The following PECR variants were observed in gnomAD, a reference collection of about 807,000 sequenced individuals.
PECR encodes the protein 2,4-dienoyl-CoA reductase-related protein.
In PECR, 30 loss-of-function variants were observed where a neutral mutation model predicts 35.3. The observed-to-expected ratio is 0.85, with a 90% CI of 0.64 to 1.15. The LOEUF (loss-of-function observed/expected upper bound fraction) is 1.15, where lower values mean the gene tolerates loss of function less well. PECR is among the 50% of genes most tolerant of loss of function. PECR has a pLI of 0.00. For synonymous variants in PECR, 148 were observed against 138.9 expected (o/e 1.07, Z -0.46); for missense variants, 392 against 370.8 (o/e 1.06, Z -0.47).
intron 3 of PECR, among the ~76,000 whole-genome samples, chr2:216,060,473 G>A (rs929719052): frequency 5.3e-5 from 8 of 152,108 alleles, no homozygotes; most frequent in Non-Finnish European, 1.2e-4. Flanking sequence ...ACCAGCCTGG[G>A]CAACAGAGAA....
chr2:216,042,085 G>A (rs1694897118), intron 7 of PECR, among the ~76,000 whole-genome samples: 1 of 152,232 alleles, frequency 6.6e-6, no homozygotes, highest in Admixed American at 6.5e-5. Context: ...TCAGTCAGAA[G>A]TTTTAGAGGC....
At chr2:216,033,940 C>A (rs1694751802), downstream of PECR, 1 of 152,166 alleles carries the variant, frequency 6.6e-6, no homozygotes, top group South Asian at 2.1e-4. Context: ...GCTCAGTAAT[C>A]GCTAGTTTTG....
At chr2:216,029,728 G>A (rs768006175) in intron 7 of PECR, among the ~76,000 whole-genome samples, 3 of 152,210 alleles carry the variant, frequency 2.0e-5, no homozygotes, top group Non-Finnish European at 2.9e-5. Flanking sequence ...AAAATGCCTA[G>A]GGCCAGAATA....
intron 1 of PECR, among the ~76,000 whole-genome samples, chr2:216,068,104 G>A (rs1344304353): frequency 6.6e-6 from 1 of 151,280 alleles, no homozygotes; most frequent in Non-Finnish European, 1.5e-5. Context: ...GCATGTGCCT[G>A]TAATCTCAGC....
chr2:216,075,535 A>C (rs1695681358), intron 1 of PECR, among the ~76,000 whole-genome samples: 1 of 152,220 alleles, frequency 6.6e-6, no homozygotes, highest in Admixed American at 6.5e-5. Flanking sequence ...ATAAACTAGA[A>C]AAATATTATA....
At chr2:216,033,996 T>C (rs1298352655), downstream of PECR, 2 of 152,190 alleles carry the variant, frequency 1.3e-5, no homozygotes, top group African/African-American at 2.4e-5. Context: ...TTCCCGCTGG[T>C]TGATCTTATT....
intron 1 of PECR, among the ~76,000 whole-genome samples, chr2:216,078,021 A>T (rs1432526530): frequency 9.2e-6 from 1 of 108,868 alleles, no homozygotes; most frequent in Non-Finnish European, 1.7e-5. Flanking sequence ...ATTTTTCGTT[A>T]AAAAAAAAAA....
At position 216,033,362 on chromosome 2, in the gene PECR, C is replaced by T. The variant is rs182507049; in HGVS notation, c.*440+5829G>A. 3.5e-4 allele frequency among the ~76,000 whole-genome samples: 54 copies of T among 152,166 alleles called. No homozygotes were observed. The East Asian group carries it at 5.2e-3, about 15-fold the overall frequency. On this transcript the variant is annotated intron_variant and NMD_transcript_variant, in intron 7 of 7. Coordinates refer to the PECR transcript ENST00000442122. ...CAGTAATTTTGCATACAAATTCCTC[C>T]GCTGTCTCAATGCCTTCACAAGAGC...
Position 216,058,184 on chromosome 2 carries a change from T to C in PECR, c.506+711A>G, listed in dbSNP as rs188359887. ...AGTTTCTCTTGCAGCAGATCTGGTG[T>C]GGGGCTGGATAATTTGCTGTGCTAA... On this transcript the variant is annotated intron_variant, in intron 4 of 7. Coordinates refer to ENST00000265322, the MANE Select transcript of PECR (RefSeq NM_018441.6). Among the ~76,000 whole-genome samples, 276 of 152,222 alleles carry C rather than the reference T, an allele frequency of 1.8e-3. 1 individual carries two copies. Among genetic ancestry groups the C allele is most frequent in the Admixed American group, 3.2e-3 (49 of 15,298 alleles).
intron 7 of PECR, 113 bp downstream of exon 7, chr2:216,043,791 G>C: frequency 2.9e-6 from 2 of 681,724 alleles, no homozygotes. Flanking sequence ...TGTACATTTT[G>C]ATGTTCTATA....
At chr2:216,046,155 T>C (rs188060565) in intron 6 of PECR, among the ~76,000 whole-genome samples, 10 of 150,832 alleles carry the variant, frequency 6.6e-5, no homozygotes, top group African/African-American at 9.7e-5. Flanking sequence ...TATTTTAAAG[T>C]AAATGTTATT....
intron 6 of PECR, 86 bp from the exon 7 acceptor site, chr2:216,044,101 A>C: frequency 1.6e-4 from 116 of 720,530 alleles, no homozygotes; most frequent in Middle Eastern, 2.6e-4. Flanking sequence ...AAGGCATCTC[A>C]AAGCCCATGA....
At chr2:216,048,895 A>C (rs900479660) in intron 6 of PECR, among the ~76,000 whole-genome samples, 13 of 148,962 alleles carry the variant, frequency 8.7e-5, no homozygotes, top group Admixed American at 7.4e-4. Context: ...AAAGCTGCTG[A>C]TTTTACAGAC....
chr2:216,068,848 A>G (rs1467956666), intron 1 of PECR, among the ~76,000 whole-genome samples: 2 of 117,400 alleles, frequency 1.7e-5, no homozygotes, highest in African/African-American at 3.2e-5. Context: ...GATGAGGTCT[A>G]TGTTGCAGAA....
At chr2:216,042,419 C>A (rs561443290) in intron 7 of PECR, among the ~76,000 whole-genome samples, 1 of 152,172 alleles carries the variant, frequency 6.6e-6, no homozygotes. Context: ...TGAAAGAGTA[C>A]GTAGACCCTG....
intron 4 of PECR, among the ~76,000 whole-genome samples, chr2:216,052,350 T>TA (rs1326786762): frequency 1.3e-5 from 2 of 152,222 alleles, no homozygotes; most frequent in African/African-American, 2.4e-5. Context: ...AATCAGCTGG[T>TA]AAAAAACAGA....
At chr2:216,031,421 A>G (rs909031405) in intron 7 of PECR, among the ~76,000 whole-genome samples, 4 of 70,140 alleles carry the variant, frequency 5.7e-5, no homozygotes, top group Non-Finnish European at 9.7e-5. Context: ...AGAAAGGAAG[A>G]AAGAAAGAAA....
chr2:216,043,922 G>A lies in PECR; in HGVS notation c.808C>T (p.His270Tyr). The change falls in exon 7 of 8, where the codon CAC (histidine) becomes TAC (tyrosine). Residue 270 changes from histidine to tyrosine, a missense_variant. Transcript: ENST00000265322. ...DVDGGRSLYT[H>Y]SYEVPDHDNW... ...TGCTCACCTGGTACCTCATACGAGT[G>A]AGTATAGAGACTCCGGCCCCCATCC... The A allele has an allele frequency of 1.3e-6, 2 of 1,590,576 alleles. No individual in the cohort carries two copies. The highest frequency in any genetic ancestry group is 2.2e-5 in the East Asian group (1 of 44,792).
Position 216,065,483 on chromosome 2 carries a change from GA to G in PECR, c.259-7del, listed in dbSNP as rs747931902. On this transcript the variant is annotated splice_region_variant and splice_polypyrimidine_tract_variant and intron_variant, in intron 2 of 7. Transcript: ENST00000265322. ...GATTTGACCAAATTATTCACCTAAAGAAGAACAGTAGAAGTTACTAAAAGGA... is the reference window on the plus strand; with the variant it reads ...GATTTGACCAAATTATTCACCTAAAGAGAACAGTAGAAGTTACTAAAAGGA... 7.0e-6 allele frequency: 11 copies of G among 1,564,476 alleles called. No homozygotes were observed. The Admixed American group carries it at 1.8e-4, about 26-fold the overall frequency.
Sources: allele counts gnomAD v4.1 joint callset (sites outside exome capture counted in the v4.1 genomes callset), GRCh38; gene constraint gnomAD v4.1.1; transcripts MANE v1.5; gene names NCBI Gene and HGNC (gene_info 2026-07-23, HGNC 2026-07-21).